The following ZNF33B variants were observed in gnomAD, a reference collection of about 807,000 sequenced individuals.
ZNF33B encodes zinc finger protein 11b (KOX 2).
In ZNF33B, 29 loss-of-function variants were observed where a neutral mutation model predicts 45.8. That is an observed-to-expected ratio of 0.63 (90% CI 0.47 to 0.86). ZNF33B has a LOEUF of 0.86. ZNF33B is among the 40% of genes least tolerant of loss of function. The probability of loss-of-function intolerance (pLI) is 0.00; values close to 1 mark genes in which losing one functional copy is unlikely to be tolerated. For missense variants in ZNF33B, 831 were observed against 909.9 expected (o/e 0.91, Z 1.12); for synonymous variants, 305 against 307.8 (o/e 0.99, Z 0.10).
chr10:42,633,167 C>T (rs569270317), intron 2 of ZNF33B, among the ~76,000 whole-genome samples: 7 of 152,258 alleles, frequency 4.6e-5, no homozygotes, highest in African/African-American at 1.4e-4. Flanking sequence ...TTTTCTTCAT[C>T]GCAGTACATA....
chr10:42,591,002 C>T lies in ZNF33B; in HGVS notation c.*1611G>A, dbSNP rs1012203825. On this transcript the variant is annotated 3_prime_UTR_variant, in exon 5 of 5. Coordinates refer to ENST00000359467, the MANE Select transcript of ZNF33B (RefSeq NM_006955.3). The stretch of plus-strand genomic sequence containing the variant: ...TGGAAGCTTAGATTACTTGTGTAAT[C>T]TAGGGTCACCAGACTGTAAAATCTT... The T allele has an allele frequency of 7.1e-5, 12 of 169,980 alleles. No homozygotes were observed. The Admixed American group carries it at 7.9e-4, about 11-fold the overall frequency. The allele number at this position is 169,980 out of a possible 1,614,324, so 10.5% of individuals were successfully genotyped here. A position where few individuals can be genotyped will look rare whatever the true frequency, so the allele number is the denominator to read the frequency against.
Position 42,593,417 on chromosome 10 carries a change from T to A in ZNF33B, c.1533A>T (p.Val511=). Residue 511 remains valine, a synonymous_variant, in exon 5 of 5, where the codon GTA becomes GTT. Coordinates refer to ENST00000359467, the MANE Select transcript of ZNF33B (RefSeq NM_006955.3). ...TATGAATTATCTGATGCCTGGTGAGTACTGACTTGTGGTAGAAAGTTTTCC... is the reference window on the plus strand; with the variant it reads ...TATGAATTATCTGATGCCTGGTGAGAACTGACTTGTGGTAGAAAGTTTTCC... ...ACGKTFYHKS[V]LTRHQIIHTG... The A allele has an allele frequency of 1.9e-6, 3 of 1,613,910 alleles. No individual in the cohort carries two copies. Among genetic ancestry groups the A allele is most frequent in the Non-Finnish European group, 2.5e-6 (3 of 1,179,964 alleles).
chr10:42,610,416 T>C (rs1244588181), intron 4 of ZNF33B, among the ~76,000 whole-genome samples: 1 of 152,272 alleles, frequency 6.6e-6, no homozygotes, highest in Middle Eastern at 3.4e-3. Context: ...CATGTGCCTG[T>C]AGTCCTAGCT....
chr10:42,578,807 G>A (rs533687918), intron 1 of ZNF33B: 86 of 152,300 alleles, frequency 5.6e-4, no homozygotes, highest in African/African-American at 2.0e-3. Flanking sequence ...TGGAGATGTG[G>A]GACAAAAACT....
At chr10:42,615,249 C>T (rs1328510469) in intron 4 of ZNF33B, among the ~76,000 whole-genome samples, 1 of 152,056 alleles carries the variant, frequency 6.6e-6, no homozygotes, top group Non-Finnish European at 1.5e-5. Flanking sequence ...AAATACATGT[C>T]CATGTGAAAA....
intron 2 of ZNF33B, among the ~76,000 whole-genome samples, chr10:42,635,163 C>T (rs1352854648): frequency 6.6e-6 from 1 of 151,950 alleles, no homozygotes; most frequent in Non-Finnish European, 1.5e-5. Context: ...ATCCCTGGAG[C>T]CCTGAAGGCA....
intron 4 of ZNF33B, among the ~76,000 whole-genome samples, chr10:42,599,582 G>A (rs1389935643): frequency 1.3e-5 from 2 of 151,446 alleles, no homozygotes; most frequent in Non-Finnish European, 2.9e-5. Flanking sequence ...TCCCATATAT[G>A]ACAAACGTCA....
chr10:42,604,188 T>C (rs1837744999), intron 4 of ZNF33B, among the ~76,000 whole-genome samples: 1 of 152,232 alleles, frequency 6.6e-6, no homozygotes, highest in African/African-American at 2.4e-5. Context: ...CTCACGCCTG[T>C]AATCCCAATA....
chr10:42,587,730 C>G (rs538351201), downstream of ZNF33B, among the ~76,000 whole-genome samples: 1 of 152,206 alleles, frequency 6.6e-6, no homozygotes, highest in Non-Finnish European at 1.5e-5. Context: ...CATGCTCAGG[C>G]ACACTGGCGA....
At chr10:42,574,461 T>C (rs1424696652) in exon 2 of ZNF33B, 1 of 152,218 alleles carries the variant, frequency 6.6e-6, no homozygotes, top group Non-Finnish European at 1.5e-5. Context: ...GTTTCCTTGA[T>C]GGGCCAAAAG....
At position 42,574,650 on chromosome 10, in the gene ZNF33B, A is replaced by T. The variant is rs752413506; in HGVS notation, c.102T>A (p.Tyr34Ter). ...GTCTCGGTGAGTTATTTCAAGGTAC[A>T]TACCACTCTCTCCTGAGGCTGATGA... Residue 34 changes from tyrosine (Y) to a stop codon, truncating the protein, a stop_gained, in exon 2 of 2, where the codon TAT (tyrosine) becomes TAA (stop). Coordinates refer to the ZNF33B transcript ENST00000462075. LOFTEE classifies it high-confidence loss of function. 3.9e-5 allele frequency: 6 copies of T among 152,028 alleles called. No individual in the cohort carries two copies. The highest frequency in any genetic ancestry group is 8.8e-5 in the Non-Finnish European group (6 of 68,008). 9.4% of individuals were successfully genotyped at this position (152,028 alleles called of 1,614,324 possible). A position where few individuals can be genotyped will look rare whatever the true frequency, so the allele number is the denominator to read the frequency against.
chr10:42,600,774 G>A (rs1346142171), intron 4 of ZNF33B, among the ~76,000 whole-genome samples: 1 of 152,028 alleles, frequency 6.6e-6, no homozygotes, highest in Non-Finnish European at 1.5e-5. Context: ...GCCTTTTCAG[G>A]CTGTGATTGT....
Position 42,592,856 on chromosome 10 carries a change from A to G in ZNF33B, c.2094T>C (p.Cys698=), listed in dbSNP as rs1383221620. 6.2e-7 allele frequency: 1 copy of G among 1,614,108 alleles called. No homozygotes were observed. The highest frequency in any genetic ancestry group is 1.1e-5 in the South Asian group (1 of 91,084). The change falls in exon 5 of 5, where the codon TGT becomes TGC. Residue 698 remains cysteine, a synonymous_variant. Transcript: ENST00000359467. ...TGEKPYECNE[C]GKSFSHKSSL... ...ATGATTTGTGACTGAAGGATTTCCC[A>G]CATTCATTGCATTCATAGGGTTTCT...
intron 4 of ZNF33B, among the ~76,000 whole-genome samples, chr10:42,616,220 G>A (rs1838307482): frequency 2.0e-5 from 3 of 151,818 alleles, no homozygotes. Context: ...GTGACAGAGT[G>A]AAACTCCATA....
At chr10:42,625,038 T>TTTTA (rs1450963093) in intron 4 of ZNF33B, among the ~76,000 whole-genome samples, 2 of 145,520 alleles carry the variant, frequency 1.4e-5, no homozygotes, top group African/African-American at 2.5e-5. Flanking sequence ...GTTTCATATT[T>TTTTA]TATATATATA....
intron 1 of ZNF33B, among the ~76,000 whole-genome samples, chr10:42,575,256 C>T (rs1159820316): frequency 6.6e-6 from 1 of 151,984 alleles, no homozygotes; most frequent in African/African-American, 2.4e-5. Context: ...TAATGTGGCG[C>T]GTGGAGGTGG....
In ZNF33B at chr10:42,625,054, A is replaced by ATATC. The variant is rs1838745148; in HGVS notation, c.250+6874_250+6875insGATA. 2.0e-5 allele frequency among the ~76,000 whole-genome samples: 3 copies of ATATC among 150,716 alleles called. No homozygotes were observed. The South Asian group carries it at 6.2e-4, about 31-fold the overall frequency. On this transcript the variant is annotated intron_variant, in intron 4 of 4. Coordinates refer to ENST00000359467, the MANE Select transcript of ZNF33B (RefSeq NM_006955.3). Reference sequence around the variant, plus strand: ...TTTCATATTTTATATATATATATATATATATATGGTTCCTTTGACCATTTA... The same window carrying ATATC: ...TTTCATATTTTATATATATATATATATATCTATATATGGTTCCTTTGACCATTTA...
At chr10:42,614,395 C>T (rs770658190) in intron 4 of ZNF33B, 17 of 152,882 alleles carry the variant, frequency 1.1e-4, no homozygotes, top group Non-Finnish European at 2.3e-4. Context: ...ATATGGTGCC[C>T]TGGAAGGGAT....
downstream of ZNF33B, among the ~76,000 whole-genome samples, chr10:42,587,936 A>C (rs548791624): frequency 1.3e-5 from 2 of 152,320 alleles, no homozygotes; most frequent in South Asian, 4.1e-4. Flanking sequence ...ACCCCTCCTG[A>C]ATGCCTCCTT....
Sources: allele counts gnomAD v4.1 joint callset (sites outside exome capture counted in the v4.1 genomes callset), GRCh38; gene constraint gnomAD v4.1.1; transcripts MANE v1.5; gene names NCBI Gene and HGNC (gene_info 2026-07-23, HGNC 2026-07-21).